EPB41: variants seen among roughly 807,000 people sequenced by gnomAD.
EPB41 encodes the protein protein 4.1.
Under a neutral mutation model 108.0 loss-of-function variants are expected in EPB41, and 65 were observed. The observed-to-expected ratio is 0.60, with a 90% CI of 0.49 to 0.74. EPB41 has a LOEUF of 0.74. Ranked by LOEUF, EPB41 falls within the 30% of genes least tolerant of loss-of-function variation. EPB41 has a pLI of 0.00. For missense variants in EPB41, 875 were observed against 1,037.0 expected, an observed-to-expected ratio of 0.84 and a Z score of 2.15; for synonymous variants, 336 against 358.9, an observed-to-expected ratio of 0.94 and a Z score of 0.72.
chr1:28,929,293 T>G (rs2093610384), intron 1 of EPB41, among the ~76,000 whole-genome samples: 1 of 151,730 alleles, frequency 6.6e-6, no homozygotes, highest in Non-Finnish European at 1.5e-5. Flanking sequence ...TGGCGCTGTC[T>G]CAGCTCACTG....
chr1:28,983,085 AG>A (rs2095796158), intron 1 of EPB41, among the ~76,000 whole-genome samples: 1 of 152,172 alleles, frequency 6.6e-6, no homozygotes, highest in Non-Finnish European at 1.5e-5. Context: ...TTATCAATGG[AG>A]ATACCCAGAA....
intron 1 of EPB41, chr1:28,985,797 C>T (rs2095857764): frequency 2.0e-5 from 3 of 152,058 alleles, no homozygotes; most frequent in South Asian, 4.1e-4. Context: ...ACTGCTTCAC[C>T]TCACTAGCCT....
intron 7 of EPB41, among the ~76,000 whole-genome samples, chr1:29,026,198 G>A (rs537371511): frequency 7.9e-5 from 12 of 152,274 alleles, no homozygotes; most frequent in African/African-American, 2.9e-4. Flanking sequence ...GAGATTATAT[G>A]ATTATACAGA....
chr1:29,115,889 C>A lies in EPB41; in HGVS notation c.*6+86C>A. ...ATGGGACCCTCGGACACACTGGGAG[C>A]CCATCCCCACAAAGAGGTGTTCACC... On this transcript the variant is annotated intron_variant, in intron 20 of 20. Coordinates refer to ENST00000343067, the MANE Select transcript of EPB41 (RefSeq NM_001376013.1). This position sits in a 1 kb window ranked among gnomAD's most constrained non-coding sequence, Gnocchi z 4.4. 2 of 1,013,552 alleles carry A rather than the reference C, an allele frequency of 2.0e-6. No homozygotes were observed. Among genetic ancestry groups the A allele is most frequent in the Non-Finnish European group, 1.6e-6 (1 of 645,078 alleles). The allele number at this position is 1,013,552 out of a possible 1,614,324, so 62.8% of individuals were successfully genotyped here.
At chr1:28,926,499 C>T (rs75170128) in intron 1 of EPB41, among the ~76,000 whole-genome samples, 2,294 of 152,272 alleles carry the variant, frequency 0.015, 48 homozygotes, top group African/African-American at 0.05. Context: ...GTATTTTTTA[C>T]GACTATACCT....
At chr1:29,116,231 A>G (rs1670912938) in intron 20 of EPB41, among the ~76,000 whole-genome samples, 1 of 146,722 alleles carries the variant, frequency 6.8e-6, no homozygotes, top group Non-Finnish European at 1.5e-5. Context: ...AGCTCACTGC[A>G]ACCTCCGCCT....
chr1:29,030,124 G>A (rs537942011), intron 7 of EPB41, among the ~76,000 whole-genome samples: 6 of 152,260 alleles, frequency 3.9e-5, no homozygotes, highest in African/African-American at 1.2e-4. Flanking sequence ...ATAGCTTTAA[G>A]GAAATTGTTT....
At chr1:29,076,003 A>G (rs1573607309) in intron 16 of EPB41, among the ~76,000 whole-genome samples, 1 of 152,218 alleles carries the variant, frequency 6.6e-6, no homozygotes, top group East Asian at 1.9e-4. Context: ...GAGTTTGTAT[A>G]TAAATCATTC....
chr1:29,052,302 A>G (rs1203000985), intron 11 of EPB41, among the ~76,000 whole-genome samples: 3 of 152,200 alleles, frequency 2.0e-5, no homozygotes, highest in South Asian at 2.1e-4. Flanking sequence ...TGTTACAACA[A>G]CCAAAAATGT....
intron 1 of EPB41, among the ~76,000 whole-genome samples, chr1:28,933,209 A>G (rs377121848): frequency 3.3e-5 from 5 of 152,240 alleles, no homozygotes; most frequent in African/African-American, 1.2e-4. Context: ...ATAGATGGCA[A>G]CATTTGTCTT....
At chr1:29,052,016 A>G (rs1644611353) in intron 11 of EPB41, among the ~76,000 whole-genome samples, 1 of 152,238 alleles carries the variant, frequency 6.6e-6, no homozygotes, top group Non-Finnish European at 1.5e-5. Context: ...GTTTTATTAC[A>G]AAGTGTAAAT....
intron 7 of EPB41, among the ~76,000 whole-genome samples, chr1:29,019,918 C>G (rs912635494): frequency 6.6e-6 from 1 of 152,132 alleles, no homozygotes; most frequent in Admixed American, 6.5e-5. Flanking sequence ...TGGGGTCACA[C>G]TATTTCCAAA....
chr1:29,030,543 T>C, intron 8 of EPB41, 56 bp downstream of exon 8: 3 of 1,230,924 alleles, frequency 2.4e-6, no homozygotes, highest in Non-Finnish European at 2.4e-6. Flanking sequence ...ATATGATACA[T>C]GTCTGTTATG....
intron 11 of EPB41, among the ~76,000 whole-genome samples, chr1:29,044,909 C>T (rs1210693439): frequency 1.3e-5 from 2 of 152,106 alleles, no homozygotes; most frequent in Non-Finnish European, 2.9e-5. Context: ...CCAGTGTCAC[C>T]TTTGTTATAA....
At chr1:28,954,912 A>G (rs1164307038) in intron 1 of EPB41, among the ~76,000 whole-genome samples, 6 of 152,232 alleles carry the variant, frequency 3.9e-5, no homozygotes, top group Non-Finnish European at 7.3e-5. Context: ...CTTGATTAGC[A>G]GAACACATGA....
intron 2 of EPB41, among the ~76,000 whole-genome samples, chr1:28,991,698 G>A (rs1201080445): frequency 8.7e-6 from 1 of 114,856 alleles, no homozygotes; most frequent in Non-Finnish European, 1.6e-5. Flanking sequence ...TGAGACTCTT[G>A]TCTCAAAAAA....
chr1:28,939,044 C>T (rs559858436), intron 1 of EPB41, among the ~76,000 whole-genome samples: 1 of 152,292 alleles, frequency 6.6e-6, no homozygotes, highest in East Asian at 1.9e-4. Flanking sequence ...TAAGAGTAGA[C>T]ATTCTAGTCT....
intron 1 of EPB41, among the ~76,000 whole-genome samples, chr1:28,931,826 G>T (rs1041616306): frequency 2.0e-5 from 3 of 152,040 alleles, no homozygotes; most frequent in Non-Finnish European, 4.4e-5. Flanking sequence ...GAGCCACCGC[G>T]CCCGACCAAT....
chr1:29,014,654 C>T (rs945199501), intron 5 of EPB41, among the ~76,000 whole-genome samples: 1 of 152,114 alleles, frequency 6.6e-6, no homozygotes, highest in African/African-American at 2.4e-5. Flanking sequence ...CAGCCTTGAA[C>T]TCCTGGACTC....
Sources: allele counts gnomAD v4.1 joint callset (sites outside exome capture counted in the v4.1 genomes callset), GRCh38; gene constraint gnomAD v4.1.1; non-coding constraint Gnocchi (gnomAD v3.1); transcripts MANE v1.5; gene names NCBI Gene and HGNC (gene_info 2026-07-23, HGNC 2026-07-21).